The following ENOX2 variants were observed in gnomAD, a reference collection of about 807,000 sequenced individuals.
The protein encoded by ENOX2 is APK1 antigen.
Under a neutral mutation model 45.0 loss-of-function variants are expected in ENOX2, and 36 were observed. The observed-to-expected ratio is 0.80, with a 90% CI of 0.61 to 1.06. The LOEUF (loss-of-function observed/expected upper bound fraction) is 1.06, where lower values mean the gene tolerates loss of function less well. Among genes scored for constraint, ENOX2 ranks in the 50% least tolerant of loss-of-function variants. The probability of loss-of-function intolerance (pLI) is 0.00; values close to 1 mark genes in which losing one functional copy is unlikely to be tolerated. For missense variants in ENOX2, 423 were observed against 462.5 expected (o/e 0.91, Z 0.78); for synonymous variants, 174 against 152.3 (o/e 1.14, Z -1.05).
At chrX:130,723,979 G>T (rs1182623254) in intron 3 of ENOX2, among the ~76,000 whole-genome samples, 2 of 111,911 alleles carry the variant, frequency 1.8e-5, no homozygotes, top group African/African-American at 6.5e-5. Context: ...GCAGGATATG[G>T]CATAGTGAAT....
intron 2 of ENOX2, among the ~76,000 whole-genome samples, chrX:130,818,147 C>T (rs942003607): frequency 1.8e-5 from 2 of 111,752 alleles, no homozygotes; most frequent in Admixed American, 1.9e-4. Flanking sequence ...CATGAGTGAA[C>T]TCCCATTCAC....
chrX:130,743,085 C>T (rs751422600), intron 3 of ENOX2, among the ~76,000 whole-genome samples: 1 of 111,583 alleles, frequency 9.0e-6, no homozygotes, highest in Non-Finnish European at 1.9e-5. Flanking sequence ...TTATTATGTC[C>T]AGCTTTATTT....
intron 3 of ENOX2, among the ~76,000 whole-genome samples, chrX:130,756,564 A>T (rs1300113953): frequency 8.9e-6 from 1 of 111,998 alleles, no homozygotes; most frequent in African/African-American, 3.2e-5. Context: ...ACTGTGGCTA[A>T]TTTATCTTCT....
At chrX:130,683,014 T>C (rs1171282267) in intron 5 of ENOX2, among the ~76,000 whole-genome samples, 4 of 111,759 alleles carry the variant, frequency 3.6e-5, no homozygotes, top group Non-Finnish European at 7.5e-5. Flanking sequence ...CAATCACCAC[T>C]CAGGATGGAG....
At chrX:130,809,374 C>T (rs1446201192) in intron 2 of ENOX2, among the ~76,000 whole-genome samples, 1 of 111,820 alleles carries the variant, frequency 8.9e-6, no homozygotes, top group Non-Finnish European at 1.9e-5. Context: ...CAGTATACTA[C>T]CTAAAGTAAT....
chrX:130,632,537 A>C (rs2035800186), intron 12 of ENOX2, among the ~76,000 whole-genome samples: 1 of 111,569 alleles, frequency 9.0e-6, no homozygotes, highest in East Asian at 2.8e-4. Context: ...GAATAAAAGA[A>C]ATCACTGCTT....
intron 2 of ENOX2, among the ~76,000 whole-genome samples, chrX:130,796,272 A>C (rs1184871516): frequency 9.0e-6 from 1 of 111,580 alleles, no homozygotes; most frequent in Non-Finnish European, 1.9e-5. Context: ...AGAAGAGAGG[A>C]GTCTGAGATG....
rs780939380 is a variant in ENOX2 at position 130,691,437 on chromosome X, G to C, written c.98-2419C>G. On this transcript the variant is annotated intron_variant, in intron 4 of 14. Coordinates refer to ENST00000394363, the MANE Select transcript of ENOX2 (RefSeq NM_006375.4). ...TATGTCAGGCTCTATGCAAGTGTTG[G>C]GGGTGGTGTCTAGGTTTCCCGTTTG... is the stretch of plus-strand genomic sequence containing the variant. Among the ~76,000 whole-genome samples the C allele has an allele frequency of 1.1e-4, 12 of 111,451 alleles. No homozygotes were observed. In the South Asian group the frequency reaches 4.2e-3, roughly 39 times the overall value.
chrX:130,632,455 T>C (rs1414406257), intron 12 of ENOX2, among the ~76,000 whole-genome samples: 2 of 108,564 alleles, frequency 1.8e-5, no homozygotes, highest in African/African-American at 6.7e-5. Context: ...CATGGCTCTT[T>C]CTTTCTCTCT....
At chrX:130,635,118 A>G (rs1221645378) in intron 11 of ENOX2, 27 bp from the exon 12 acceptor site, 2 of 884,632 alleles carry the variant, frequency 2.3e-6, no homozygotes, top group Non-Finnish European at 3.2e-6. Context: ...AAGACAATCA[A>G]TTTATGAATT....
At chrX:130,886,644 A>C (rs1310137561) in intron 2 of ENOX2, among the ~76,000 whole-genome samples, 1 of 111,545 alleles carries the variant, frequency 9.0e-6, no homozygotes, top group Admixed American at 9.5e-5. Context: ...TGTTTCCAGC[A>C]CTTTTTTTTT....
At position 130,656,706 on chromosome X, in the gene ENOX2, A is replaced by G; in HGVS notation, c.1015-11T>C. ...AATGTTGCGAATTTCCTAAGGTTAA[A>G]AAGTATGCTTTTTAGGTGGGAATTC... is the stretch of plus-strand genomic sequence containing the variant. On this transcript the variant is annotated splice_polypyrimidine_tract_variant and intron_variant, in intron 9 of 14. Coordinates refer to ENST00000394363, the MANE Select transcript of ENOX2 (RefSeq NM_006375.4). The G allele has an allele frequency of 1.0e-6, 1 of 973,887 alleles. No individual in the cohort carries two copies. Among genetic ancestry groups the G allele is most frequent in the Non-Finnish European group, 1.5e-6 (1 of 686,322 alleles). 80.3% of individuals were successfully genotyped at this position (973,887 alleles called of 1,213,427 possible). A position where few individuals can be genotyped will look rare whatever the true frequency, so the allele number is the denominator to read the frequency against.
chrX:130,743,360 T>C (rs1417425938), intron 3 of ENOX2, among the ~76,000 whole-genome samples: 6 of 112,021 alleles, frequency 5.4e-5, no homozygotes, highest in Admixed American at 1.9e-4. Flanking sequence ...AATAGACACA[T>C]TGTCTTCTGC....
At chrX:130,743,537 TCTTGGCTCATTGCAATCTCTGCATC>T (rs1469374308) in intron 3 of ENOX2, among the ~76,000 whole-genome samples, 1 of 109,427 alleles carries the variant, frequency 9.1e-6, no homozygotes, top group Admixed American at 9.7e-5. Context: ...AGTGATGCAA[TCTTGGCTCATTGCAATCTCTGCATC>T]CTGGGTTCAA....
At chrX:130,901,504 GA>G (rs1412011099) in intron 2 of ENOX2, among the ~76,000 whole-genome samples, 179 bp downstream of exon 2, 167 of 112,699 alleles carry the variant, frequency 1.5e-3, no homozygotes, top group African/African-American at 5.1e-3. Context: ...GTCACCCAAT[GA>G]GATGACTACA....
intron 3 of ENOX2, among the ~76,000 whole-genome samples, chrX:130,715,229 G>C (rs1184606461): frequency 9.0e-6 from 1 of 111,687 alleles, no homozygotes; most frequent in East Asian, 2.8e-4. Context: ...AAGTTGGTGG[G>C]GGTAGGGGGT....
intron 3 of ENOX2, among the ~76,000 whole-genome samples, chrX:130,729,101 A>G (rs1227881443): frequency 3.6e-5 from 4 of 111,490 alleles, no homozygotes; most frequent in African/African-American, 1.3e-4. Flanking sequence ...TCAAATGACT[A>G]CCATCTTTAA....
chrX:130,862,660 T>G (rs2078427303), intron 2 of ENOX2, among the ~76,000 whole-genome samples: 1 of 111,211 alleles, frequency 9.0e-6, no homozygotes, highest in Non-Finnish European at 1.9e-5. Context: ...AAGGGATGTT[T>G]TTTGTTCTCA....
chrX:130,633,671 T>C (rs1467643225), intron 12 of ENOX2, among the ~76,000 whole-genome samples: 1 of 112,295 alleles, frequency 8.9e-6, no homozygotes, highest in Admixed American at 9.4e-5. Context: ...CAAAAAAATG[T>C]CCTTAGGTCA....
Sources: gnomAD v4.1 joint callset for allele counts (sites outside exome capture counted in the v4.1 genomes callset) on GRCh38, gnomAD v4.1.1 for gene constraint, MANE v1.5 for transcripts, NCBI Gene and HGNC (gene_info 2026-07-23, HGNC 2026-07-21) for gene names.